The following DSN1 variants were observed in gnomAD, a reference collection of about 807,000 sequenced individuals.
The protein encoded by DSN1 is DSN1 component of MIS12 kinetochore complex.
A neutral mutation model predicts 45.7 loss-of-function variants in DSN1; 31 were observed. The observed-to-expected ratio is 0.68, with a 90% confidence interval of 0.51 to 0.92. The LOEUF (loss-of-function observed/expected upper bound fraction) is 0.92, where lower values mean the gene tolerates loss of function less well. Among genes scored for constraint, DSN1 ranks in the 40% least tolerant of loss-of-function variants. The pLI is 0.00. For synonymous variants in DSN1, 134 were observed against 142.3 expected, an observed-to-expected ratio of 0.94 and a Z score of 0.41; for missense variants, 394 against 414.2, an observed-to-expected ratio of 0.95 and a Z score of 0.42.
chr20:36,773,613 G>A, intron 1 of DSN1, 49 bp downstream of exon 1: 8 of 985,714 alleles, frequency 8.1e-6, no homozygotes, highest in Non-Finnish European at 9.6e-6. Context: ...CCACATCAGA[G>A]GACAAGTCTG....
chr20:36,770,283 T>C (rs996166952), intron 3 of DSN1, among the ~76,000 whole-genome samples: 1 of 152,088 alleles, frequency 6.6e-6, no homozygotes, highest in Non-Finnish European at 1.5e-5. Flanking sequence ...TTGCCTAGGT[T>C]GTCCTCAAAC....
intron 6 of DSN1, among the ~76,000 whole-genome samples, chr20:36,761,138 C>T (rs1456194693): frequency 1.3e-5 from 2 of 152,060 alleles, no homozygotes; most frequent in African/African-American, 2.4e-5. Flanking sequence ...TGTTCTTTGG[C>T]TCTTGGCAAG....
intron 3 of DSN1, among the ~76,000 whole-genome samples, chr20:36,768,470 G>A (rs1987469246): frequency 6.6e-6 from 1 of 152,226 alleles, no homozygotes; most frequent in African/African-American, 2.4e-5. Context: ...AAGGGCTCAG[G>A]AGGCGGAGGC....
rs147221383 is a variant in DSN1, at chr20:36,767,696, G to C, written c.429+273C>G. On this transcript the variant is annotated intron_variant, in intron 4 of 10. Transcript: ENST00000373750. ...AGGCAGGCGGATCAGGAGGTCAGGA[G>C]ATCGAGACAATTCTGGCAGACATGG... 1.4e-3 allele frequency among the ~76,000 whole-genome samples: 206 copies of C among 152,282 alleles called. 2 individuals carry two copies. The highest frequency in any genetic ancestry group is 4.9e-3 in the African/African-American group (202 of 41,554).
At chr20:36,758,803 T>C (rs1278518110) in intron 6 of DSN1, among the ~76,000 whole-genome samples, 186 bp from the exon 7 acceptor site, 1 of 152,208 alleles carries the variant, frequency 6.6e-6, no homozygotes, top group Admixed American at 6.5e-5. Context: ...TTCTCCTGCC[T>C]TAGCCTCCAG....
At chr20:36,764,821 G>A (rs2148275417) in intron 5 of DSN1, among the ~76,000 whole-genome samples, 1 of 152,006 alleles carries the variant, frequency 6.6e-6, no homozygotes, top group South Asian at 2.1e-4. Flanking sequence ...TCCAGAGGCT[G>A]AGGCAGAAGA....
At chr20:36,760,733 C>T (rs1986932382) in intron 6 of DSN1, among the ~76,000 whole-genome samples, 1 of 152,024 alleles carries the variant, frequency 6.6e-6, no homozygotes, top group Non-Finnish European at 1.5e-5. Flanking sequence ...ACTAAAAATA[C>T]AAAAATTAGT....
At chr20:36,764,428 T>C (rs1482730111) in intron 5 of DSN1, among the ~76,000 whole-genome samples, 1 of 152,210 alleles carries the variant, frequency 6.6e-6, no homozygotes, top group African/African-American at 2.4e-5. Flanking sequence ...CAAGTTCATG[T>C]ATTTTCTAGA....
intron 1 of DSN1, chr20:36,773,405 G>A (rs947754654): frequency 3.0e-6 from 3 of 985,450 alleles, no homozygotes; most frequent in Non-Finnish European, 3.6e-6. Flanking sequence ...CCTGTTTCTG[G>A]AGCCTAGACC....
At chr20:36,767,869 T>A (rs2148281352) in intron 4 of DSN1, 100 bp downstream of exon 4, 1 of 1,243,652 alleles carries the variant, frequency 8.0e-7, no homozygotes, top group South Asian at 1.2e-5. Flanking sequence ...ACCACTGCAC[T>A]CCAGCCTGGG....
chr20:36,758,033 A>G (rs753452679), intron 8 of DSN1, 54 bp downstream of exon 8: 9 of 1,505,936 alleles, frequency 6.0e-6, no homozygotes, highest in Non-Finnish European at 8.3e-6. Flanking sequence ...TGAAATAAAC[A>G]CCAATCAAAC....
At chr20:36,761,868 G>C (rs1986999245) in intron 6 of DSN1, among the ~76,000 whole-genome samples, 1 of 151,722 alleles carries the variant, frequency 6.6e-6, no homozygotes, top group Admixed American at 6.6e-5. Flanking sequence ...AATTAGCCAG[G>C]CATGGTGGCG....
intron 10 of DSN1, 110 bp downstream of exon 10, chr20:36,754,653 C>T (rs1425124317): frequency 9.3e-6 from 7 of 754,888 alleles, no homozygotes; most frequent in Non-Finnish European, 1.5e-5. Context: ...AACAAATCAC[C>T]TCATATAGGT....
At chr20:36,769,295 T>C (rs1987511317) in intron 3 of DSN1, among the ~76,000 whole-genome samples, 1 of 152,244 alleles carries the variant, frequency 6.6e-6, no homozygotes, top group Admixed American at 6.5e-5. Context: ...TTTAAAGTTC[T>C]TGTCTCTTAA....
rs148124982 is a variant in DSN1, at chr20:36,767,149, C to T, written c.430-308G>A. 8.3e-3 allele frequency among the ~76,000 whole-genome samples: 1,258 copies of T among 151,092 alleles called. 8 individuals carry two copies. Among genetic ancestry groups the T allele is most frequent in the Admixed American group, 0.012 (186 of 15,152 alleles). The stretch of plus-strand genomic sequence containing the variant: ...TGAAACCCCATCTCTACTAAAAATA[C>T]AAAAAAAATTAGCGGGGCATGGTGG... On this transcript the variant is annotated intron_variant, in intron 4 of 10. Transcript: ENST00000373750.
chr20:36,755,708 T>G lies in DSN1; in HGVS notation c.847A>C (p.Lys283Gln). Residue 283 changes from lysine to glutamine, a missense_variant, in exon 9 of 11, where the codon AAA becomes CAA. Coordinates refer to ENST00000373750, the MANE Select transcript of DSN1 (RefSeq NM_001145315.2). ...DYQKILQNQS[K>Q]VFDCMELVMD... is the part of the protein sequence containing the mutation. ...ACCAACTCCATACAGTCAAAGACTT[T>G]GCTCTGGTTCTGTAATATTTTCTGG... The G allele has an allele frequency of 2.5e-6, 4 of 1,614,096 alleles. No individual in the cohort carries two copies. Among genetic ancestry groups the G allele is most frequent in the Non-Finnish European group, 3.4e-6 (4 of 1,180,008 alleles).
At chr20:36,768,317 G>A (rs1446992889) in intron 3 of DSN1, among the ~76,000 whole-genome samples, 1 of 152,172 alleles carries the variant, frequency 6.6e-6, no homozygotes. Context: ...GCCGAGGCAT[G>A]GGATCACTTG....
At chr20:36,763,399 T>C (rs1259110191) in intron 5 of DSN1, among the ~76,000 whole-genome samples, 2 of 63,886 alleles carry the variant, frequency 3.1e-5, no homozygotes, top group Admixed American at 2.8e-4. Context: ...TGAGACTCTG[T>C]CTCAAAAAAA....
At chr20:36,769,940 CAGAGAG>C (rs147257254) in intron 3 of DSN1, among the ~76,000 whole-genome samples, 17 of 85,012 alleles carry the variant, frequency 2.0e-4, no homozygotes, top group African/African-American at 6.6e-4. Flanking sequence ...CACACACACA[CAGAGAG>C]AGAGAGACAG....
Sources: allele counts gnomAD v4.1 joint callset (sites outside exome capture counted in the v4.1 genomes callset), GRCh38; gene constraint gnomAD v4.1.1; transcripts MANE v1.5; gene names NCBI Gene and HGNC (gene_info 2026-07-23, HGNC 2026-07-21).